Variants in TAFA4 observed in about 807,000 individuals in gnomAD.
TAFA4 encodes the protein chemokine-like protein TAFA-4.
In TAFA4, 20 loss-of-function variants were observed where a neutral mutation model predicts 21.1. The ratio of observed to expected loss-of-function variants is 0.95; its 90% CI spans 0.67 to 1.38. The LOEUF is 1.38. Among genes scored for constraint, TAFA4 ranks in the 40% most tolerant of loss-of-function variants. The pLI is 0.00. For missense variants in TAFA4, 211 were observed against 180.9 expected (o/e 1.17, Z -0.95); for synonymous variants, 71 against 67.4 (o/e 1.05, Z -0.26).
intron 3 of TAFA4, among the ~76,000 whole-genome samples, chr3:68,862,008 G>A (rs1468388174): frequency 6.6e-6 from 1 of 151,978 alleles, no homozygotes; most frequent in Non-Finnish European, 1.5e-5. Flanking sequence ...GCCTCCTGCT[G>A]AGCATATTTT....
chr3:68,843,690 C>T (rs1704721897), intron 3 of TAFA4, among the ~76,000 whole-genome samples: 2 of 152,216 alleles, frequency 1.3e-5, no homozygotes, highest in African/African-American at 4.8e-5. Flanking sequence ...AGATACGGTC[C>T]ACCAATACCT....
At chr3:68,776,333 A>G (rs967608282) in intron 3 of TAFA4, among the ~76,000 whole-genome samples, 1 of 152,216 alleles carries the variant, frequency 6.6e-6, no homozygotes, top group Non-Finnish European at 1.5e-5. Context: ...AAGATACACC[A>G]TACAGAAAGT....
intron 3 of TAFA4, among the ~76,000 whole-genome samples, chr3:68,813,621 A>C (rs2106849258): frequency 6.6e-6 from 1 of 152,364 alleles, no homozygotes; most frequent in East Asian, 1.9e-4. Context: ...ACCAGGAAGA[A>C]GTTGAATGTC....
intron 1 of TAFA4, among the ~76,000 whole-genome samples, chr3:68,908,551 C>T (rs972105367): frequency 2.6e-5 from 4 of 151,914 alleles, no homozygotes; most frequent in Admixed American, 2.0e-4. Context: ...ATCAAGGTGC[C>T]CAATTCACAG....
At chr3:68,858,262 T>A (rs1432325919) in intron 3 of TAFA4, among the ~76,000 whole-genome samples, 1 of 152,142 alleles carries the variant, frequency 6.6e-6, no homozygotes, top group Non-Finnish European at 1.5e-5. Flanking sequence ...CCTTTCTACA[T>A]GCACCATCCC....
Position 68,841,332 on chromosome 3 carries a change from AAAAAT to A in TAFA4, c.130+39393_130+39397del, listed in dbSNP as rs1215697217. 1.1e-4 allele frequency among the ~76,000 whole-genome samples: 8 copies of A among 72,300 alleles called. 1 individual carries two copies. In the South Asian group the frequency reaches 2.7e-3, roughly 24 times the overall value. 47.4% of individuals were successfully genotyped at this position (72,300 alleles called of 152,430 possible). A position where few individuals can be genotyped will look rare whatever the true frequency, so the allele number is the denominator to read the frequency against. On this transcript the variant is annotated intron_variant, in intron 3 of 5. Coordinates refer to ENST00000295569, the MANE Select transcript of TAFA4 (RefSeq NM_182522.5). ...AGCGAGACTCCGTCTCAAAAAAAAAAAAAATAAAAAAAAATAAAATCCACACACAT... is the reference window on the plus strand; with the variant it reads ...AGCGAGACTCCGTCTCAAAAAAAAAAAAAAAAAAATAAAATCCACACACAT...
At chr3:68,803,082 G>A (rs187378479) in intron 3 of TAFA4, among the ~76,000 whole-genome samples, 4 of 152,170 alleles carry the variant, frequency 2.6e-5, no homozygotes, top group East Asian at 3.9e-4. Flanking sequence ...GATCTCTACT[G>A]AAAATGTCCT....
chr3:68,915,370 C>CT (rs908619219), intron 1 of TAFA4, among the ~76,000 whole-genome samples: 1 of 152,134 alleles, frequency 6.6e-6, no homozygotes, highest in Non-Finnish European at 1.5e-5. Flanking sequence ...AAAAAGTGTC[C>CT]TTTTTTTCTG....
chr3:68,776,293 C>G (rs1703049321), intron 3 of TAFA4, among the ~76,000 whole-genome samples: 1 of 151,928 alleles, frequency 6.6e-6, no homozygotes, highest in East Asian at 1.9e-4. Context: ...CTGTGAGAAA[C>G]AGGAAAATTA....
intron 1 of TAFA4, among the ~76,000 whole-genome samples, chr3:68,895,217 C>G (rs1181397804): frequency 1.3e-5 from 2 of 152,160 alleles, no homozygotes; most frequent in East Asian, 3.9e-4. Flanking sequence ...AAGCTGGTCT[C>G]AAACTTCTGA....
chr3:68,788,569 CTA>C (rs1703304274), intron 3 of TAFA4, among the ~76,000 whole-genome samples: 1 of 152,122 alleles, frequency 6.6e-6, no homozygotes, highest in African/African-American at 2.4e-5. Flanking sequence ...AGCTTTTCAC[CTA>C]TGTTTTCCTC....
At chr3:68,875,998 T>C (rs1485725012) in intron 3 of TAFA4, among the ~76,000 whole-genome samples, 1 of 151,378 alleles carries the variant, frequency 6.6e-6, no homozygotes, top group Non-Finnish European at 1.5e-5. Flanking sequence ...GATAAAACAA[T>C]GTGCTCTATG....
intron 3 of TAFA4, among the ~76,000 whole-genome samples, chr3:68,861,675 C>T (rs9830191): frequency 2.6e-5 from 4 of 151,926 alleles, no homozygotes; most frequent in African/African-American, 9.7e-5. Flanking sequence ...GCCAACCCCC[C>T]CAGCCCAGCT....
chr3:68,893,782 A>G (rs1024120876), intron 1 of TAFA4, among the ~76,000 whole-genome samples: 2 of 152,150 alleles, frequency 1.3e-5, no homozygotes, highest in Non-Finnish European at 2.9e-5. Context: ...CTTAATCTAA[A>G]CCTGTATTAC....
chr3:68,874,250 C>T (rs1482863215), intron 3 of TAFA4, among the ~76,000 whole-genome samples: 1 of 152,146 alleles, frequency 6.6e-6, no homozygotes, highest in African/African-American at 2.4e-5. Context: ...CTTGCAAACA[C>T]AGTCTTCTCA....
chr3:68,764,102 A>G (rs1355659817), intron 3 of TAFA4, among the ~76,000 whole-genome samples: 1 of 152,126 alleles, frequency 6.6e-6, no homozygotes, highest in African/African-American at 2.4e-5. Context: ...TCTAGCCCTC[A>G]GTAGGATTGT....
intron 1 of TAFA4, among the ~76,000 whole-genome samples, chr3:68,900,714 T>G (rs1225490337): frequency 2.6e-5 from 4 of 152,180 alleles, no homozygotes; most frequent in African/African-American, 9.7e-5. Context: ...ACAGAGCAAG[T>G]TCAAAGCACT....
chr3:68,868,900 T>G (rs1478970686), intron 3 of TAFA4, among the ~76,000 whole-genome samples: 1 of 151,620 alleles, frequency 6.6e-6, no homozygotes, highest in East Asian at 1.9e-4. Flanking sequence ...AATAATGAAA[T>G]TGAAACTTTA....
At chr3:68,903,266 C>T (rs897832200) in intron 1 of TAFA4, among the ~76,000 whole-genome samples, 22 of 152,002 alleles carry the variant, frequency 1.4e-4, no homozygotes, top group Admixed American at 9.8e-4. Context: ...AACCTGGGGT[C>T]CTTGCACAGA....
Sources: gnomAD v4.1 joint callset for allele counts (sites outside exome capture counted in the v4.1 genomes callset) on GRCh38, gnomAD v4.1.1 for gene constraint, MANE v1.5 for transcripts, NCBI Gene and HGNC (gene_info 2026-07-23, HGNC 2026-07-21) for gene names.